Variants in LRRC74A observed in about 807,000 individuals in gnomAD.
The protein encoded by LRRC74A is leucine rich repeat containing 74A.
In LRRC74A, 44 loss-of-function variants were observed where a neutral mutation model predicts 57.9. The observed-to-expected ratio is 0.76, with a 90% confidence interval of 0.60 to 0.98. The LOEUF is 0.98. Ranked by LOEUF, LRRC74A falls within the 50% of genes least tolerant of loss-of-function variation. The pLI is 0.00. For synonymous variants in LRRC74A, 211 were observed against 219.4 expected, an observed-to-expected ratio of 0.96 and a Z score of 0.34; for missense variants, 572 against 574.0, an observed-to-expected ratio of 1.00 and a Z score of 0.04.
intron 11 of LRRC74A, among the ~76,000 whole-genome samples, chr14:76,861,630 G>A (rs1898315649): frequency 6.6e-6 from 1 of 152,230 alleles, no homozygotes; most frequent in Non-Finnish European, 1.5e-5. Context: ...ATCACAGGAG[G>A]CAGATGTAAC....
chr14:76,828,620 C>T (rs531888715), intron 2 of LRRC74A: 125 of 730,192 alleles, frequency 1.7e-4, no homozygotes, highest in African/African-American at 1.1e-3. Flanking sequence ...CAGCTTCCCA[C>T]GCTTGTCACC....
chr14:76,834,087 C>T (rs1595346094), intron 3 of LRRC74A, among the ~76,000 whole-genome samples: 1 of 152,180 alleles, frequency 6.6e-6, no homozygotes, highest in Admixed American at 6.5e-5. Context: ...CCTCACTTTC[C>T]CCAACACACT....
intron 7 of LRRC74A, among the ~76,000 whole-genome samples, chr14:76,845,361 G>A (rs964004658): frequency 5.3e-5 from 8 of 150,590 alleles, no homozygotes; most frequent in Middle Eastern, 3.4e-3. Context: ...AGAAGAAGGG[G>A]AAGGGAAGGG....
intron 1 of LRRC74A, among the ~76,000 whole-genome samples, chr14:76,827,806 C>CTGCT (rs1304989006): frequency 6.6e-6 from 1 of 152,202 alleles, no homozygotes; most frequent in Non-Finnish European, 1.5e-5. Flanking sequence ...CTCTCTGGAA[C>CTGCT]TGCTCCTGGT....
chr14:76,844,263 A>G (rs188168968), intron 5 of LRRC74A, among the ~76,000 whole-genome samples, 160 bp from the exon 6 acceptor site: 3 of 152,298 alleles, frequency 2.0e-5, no homozygotes, highest in African/African-American at 7.2e-5. Flanking sequence ...TCCGCCTCCC[A>G]AAGTGCTGGG....
intron 13 of LRRC74A, among the ~76,000 whole-genome samples, chr14:76,869,468 A>T (rs1406450348): frequency 4.3e-5 from 1 of 23,424 alleles, no homozygotes; most frequent in African/African-American, 2.0e-4. Context: ...AAAATTCTAA[A>T]CCCGGCTGGG....
At chr14:76,843,521 G>A (rs556097973) in intron 5 of LRRC74A, among the ~76,000 whole-genome samples, 1 of 152,170 alleles carries the variant, frequency 6.6e-6, no homozygotes, top group Non-Finnish European at 1.5e-5. Context: ...CTAGGCACTA[G>A]GCTGGGGGTT....
In LRRC74A at chr14:76,850,737, AGG is replaced by A. The variant is rs1566732686; in HGVS notation, c.677-1627_677-1626del. Among the ~76,000 whole-genome samples, 7 of 151,650 alleles carry A rather than the reference AGG, an allele frequency of 4.6e-5. No individual in the cohort carries two copies. In the South Asian group the frequency reaches 1.0e-3, roughly 23 times the overall value. ...CAAAAAATTAGCTGGGCGTGGTGGC[AGG>A]CGCCTATAATCCCAGCTGCCCGGGA... On this transcript the variant is annotated intron_variant, in intron 7 of 13. Coordinates refer to ENST00000689127, the MANE Select transcript of LRRC74A (RefSeq NM_001385106.1).
chr14:76,842,477 G>A (rs758422032), intron 5 of LRRC74A, among the ~76,000 whole-genome samples: 2 of 152,156 alleles, frequency 1.3e-5, no homozygotes, highest in African/African-American at 4.8e-5. Flanking sequence ...CTTGGAATCT[G>A]TGTTTTATCA....
At chr14:76,843,002 T>C (rs1444871121) in intron 5 of LRRC74A, among the ~76,000 whole-genome samples, 1 of 152,088 alleles carries the variant, frequency 6.6e-6, no homozygotes, top group Non-Finnish European at 1.5e-5. Context: ...GGGTCAGATT[T>C]TAAAATTATA....
At chr14:76,840,797 A>G (rs1166148859) in intron 5 of LRRC74A, among the ~76,000 whole-genome samples, 1 of 151,794 alleles carries the variant, frequency 6.6e-6, no homozygotes, top group Non-Finnish European at 1.5e-5. Flanking sequence ...GTTAGCCAGG[A>G]TGGTCTTGAT....
intron 9 of LRRC74A, among the ~76,000 whole-genome samples, chr14:76,855,136 C>T (rs920675278): frequency 3.3e-5 from 5 of 152,162 alleles, no homozygotes; most frequent in Non-Finnish European, 7.3e-5. Flanking sequence ...CCATGAGGAG[C>T]TGCTAAGAGG....
chr14:76,828,438 G>T lies in LRRC74A; in HGVS notation c.166+19G>T. On this transcript the variant is annotated intron_variant, in intron 2 of 13. Coordinates refer to ENST00000689127, the MANE Select transcript of LRRC74A (RefSeq NM_001385106.1). ...ATTGAAGGCGAGCATGGGCATTTGG[G>T]GGCAGTCAGGGCAGCTTCTCCTCAG... 6.2e-7 allele frequency: 1 copy of T among 1,613,728 alleles called. No individual in the cohort carries two copies.
rs982262124 is a variant in LRRC74A at position 76,869,981 on chromosome 14, T to G, written c.1392-144T>G. The stretch of plus-strand genomic sequence containing the variant: ...ATGCACACATGTGTAGTGGGGGAGA[T>G]ATAATGGTTAACAGCATGACCTCTA... On this transcript the variant is annotated intron_variant, in intron 13 of 13. Coordinates refer to ENST00000689127, the MANE Select transcript of LRRC74A (RefSeq NM_001385106.1). The G allele has an allele frequency of 4.0e-6, 3 of 750,236 alleles. No individual in the cohort carries two copies. In the African/African-American group the frequency reaches 5.2e-5, roughly 13 times the overall value. The allele number at this position is 750,236 out of a possible 1,614,324, so 46.5% of individuals were successfully genotyped here.
intron 6 of LRRC74A, 144 bp downstream of exon 6, chr14:76,844,616 A>T (rs1896999774): frequency 1.2e-6 from 1 of 859,970 alleles, no homozygotes; most frequent in African/African-American, 1.7e-5. Flanking sequence ...CAACCCCAAC[A>T]AAGGCACAGC....
intron 9 of LRRC74A, among the ~76,000 whole-genome samples, chr14:76,855,451 T>TC (rs1360051704): frequency 6.6e-6 from 1 of 152,250 alleles, no homozygotes; most frequent in Admixed American, 6.5e-5. Context: ...TTCTCATTTT[T>TC]CCACAATGAC....
chr14:76,856,622 G>T (rs1350869351), intron 9 of LRRC74A, among the ~76,000 whole-genome samples: 1 of 150,946 alleles, frequency 6.6e-6, no homozygotes, highest in African/African-American at 2.4e-5. Flanking sequence ...TGGATGAGTA[G>T]ATGAGATGGT....
intron 7 of LRRC74A, among the ~76,000 whole-genome samples, chr14:76,847,688 TA>T (rs34780005): frequency 0.13 from 19,320 of 144,602 alleles, 1,572 homozygotes; most frequent in African/African-American, 0.24. Flanking sequence ...ACTTAAAATT[TA>T]AAAAAAAAAA....
At chr14:76,849,667 G>A (rs1287064719) in intron 7 of LRRC74A, among the ~76,000 whole-genome samples, 4 of 60,482 alleles carry the variant, frequency 6.6e-5, no homozygotes, top group Admixed American at 3.3e-4. Flanking sequence ...GCTGGACGTG[G>A]TGACTTGGGT....
Sources: gnomAD v4.1 joint callset for allele counts (sites outside exome capture counted in the v4.1 genomes callset) on GRCh38, gnomAD v4.1.1 for gene constraint, MANE v1.5 for transcripts, NCBI Gene and HGNC (gene_info 2026-07-23, HGNC 2026-07-21) for gene names.